The following GK5 variants were observed in gnomAD, a reference collection of about 807,000 sequenced individuals.
The protein encoded by GK5 is ATP:glycerol 3-phosphotransferase 5.
In GK5, 39 loss-of-function variants were observed where a neutral mutation model predicts 77.3. The observed-to-expected ratio is 0.50, with a 90% CI of 0.39 to 0.66. The LOEUF (loss-of-function observed/expected upper bound fraction) is 0.66, where lower values mean the gene tolerates loss of function less well. Ranked by LOEUF, GK5 falls within the 30% of genes least tolerant of loss-of-function variation. The pLI, the probability that GK5 is intolerant of heterozygous loss-of-function variation, is 0.00. For missense variants in GK5, 487 were observed against 633.8 expected (o/e 0.77, Z 2.49); for synonymous variants, 211 against 208.0 (o/e 1.01, Z -0.13).
rs561480100 is a variant in GK5, at chr3:142,170,203, T to A, written c.1441+122A>T. ...TTTGTGAGTAATATGCATATGTGTA[T>A]GGAGTTTAATGGACGCCAAGGCTTT... is the stretch of plus-strand genomic sequence containing the variant. On this transcript the variant is annotated intron_variant, in intron 15 of 15. Transcript: ENST00000392993. 3.5e-4 allele frequency: 341 copies of A among 962,922 alleles called. 6 individuals are homozygous for A. The highest frequency in any genetic ancestry group is 3.5e-3 in the South Asian group (270 of 77,560). The allele number at this position is 962,922 out of a possible 1,614,324, so 59.6% of individuals were successfully genotyped here.
Position 142,160,826 on chromosome 3 carries a change from C to T in GK5, c.*4796G>A, listed in dbSNP as rs960480270. On this transcript the variant is annotated 3_prime_UTR_variant, in exon 16 of 16. Transcript: ENST00000392993. Reference sequence around the variant, plus strand: ...CTCAAACTCCTGTGTTCAAGCGATTCTCCTGCTTCGGTTTCCTGAGTAGCT... The same window carrying T: ...CTCAAACTCCTGTGTTCAAGCGATTTTCCTGCTTCGGTTTCCTGAGTAGCT... 5 of 151,782 alleles carry T rather than the reference C, an allele frequency of 3.3e-5. No homozygotes were observed. The highest frequency in any genetic ancestry group is 7.4e-5 in the Non-Finnish European group (5 of 67,980). The allele number at this position is 151,782 out of a possible 1,614,324, so 9.4% of individuals were successfully genotyped here.
chr3:142,185,802 GA>G (rs757705852), intron 9 of GK5, 126 bp downstream of exon 9: 167 of 1,516,830 alleles, frequency 1.1e-4, no homozygotes, highest in Admixed American at 2.1e-4. Context: ...AACTTAAAAA[GA>G]AAAAAAAATA....
rs765459636 is a variant in GK5 at position 142,170,373 on chromosome 3, T to C, written c.1393A>G (p.Ile465Val). Reference sequence around the variant, plus strand: ...GCTGCACCCAGGCATGACATGTCAATGTCGGCAGGTCTGTCTATATTCTCA... The same window carrying C: ...GCTGCACCCAGGCATGACATGTCAACGTCGGCAGGTCTGTCTATATTCTCA... ...INENIDRPAD[I>V]DMSCLGAASL... is the part of the protein sequence containing the mutation. Residue 465 changes from isoleucine (I) to valine (V), a missense_variant, in exon 15 of 16, where the codon ATT (isoleucine) becomes GTT (valine). Around this residue, in one of 4 missense-constraint regions of GK5, gnomAD observed 65 missense variants for 89.9 expected, o/e 0.72. Transcript: ENST00000392993. 3.7e-6 allele frequency: 6 copies of C among 1,613,940 alleles called. No homozygotes were observed. Among genetic ancestry groups the C allele is most frequent in the Non-Finnish European group, 5.1e-6 (6 of 1,179,972 alleles).
intron 8 of GK5, 84 bp from the exon 9 acceptor site, chr3:142,186,073 C>A: frequency 8.0e-7 from 1 of 1,247,024 alleles, no homozygotes; most frequent in Non-Finnish European, 1.2e-6. Flanking sequence ...TTTGCATAAG[C>A]CAAAAAGTTA....
intron 1 of GK5, among the ~76,000 whole-genome samples, chr3:142,220,285 G>C (rs925154683): frequency 6.6e-6 from 1 of 152,056 alleles, no homozygotes; most frequent in Non-Finnish European, 1.5e-5. Flanking sequence ...ACAGGCACCC[G>C]CCACCACGCC....
chr3:142,216,043 C>T (rs1214371907), intron 1 of GK5, among the ~76,000 whole-genome samples: 1 of 152,040 alleles, frequency 6.6e-6, no homozygotes, highest in African/African-American at 2.4e-5. Flanking sequence ...ATAGAGTAAG[C>T]ACACTCCACC....
chr3:142,163,013 A>T lies in GK5; in HGVS notation c.*2609T>A, dbSNP rs1264518652. ...AATGTCTCAAAAAAAAAAAAAAAAAAGAAAGGACAATTTTGTTGCTCAATT... is the reference window on the plus strand; with the variant it reads ...AATGTCTCAAAAAAAAAAAAAAAAATGAAAGGACAATTTTGTTGCTCAATT... On this transcript the variant is annotated 3_prime_UTR_variant, in exon 16 of 16. Transcript: ENST00000392993. 1 of 148,442 alleles carries T rather than the reference A, an allele frequency of 6.7e-6. No individual in the cohort carries two copies. The highest frequency in any genetic ancestry group is 1.5e-5 in the Non-Finnish European group (1 of 66,796). The allele number at this position is 148,442 out of a possible 1,614,324, so 9.2% of individuals were successfully genotyped here.
chr3:142,205,212 A>G (rs1195747112), intron 3 of GK5, among the ~76,000 whole-genome samples: 2 of 152,242 alleles, frequency 1.3e-5, no homozygotes, highest in Non-Finnish European at 2.9e-5. Context: ...GCCATTGGCA[A>G]CCTAACATGC....
chr3:142,225,257 G>A lies in GK5; in HGVS notation c.147+52C>T, dbSNP rs1451520470. The stretch of plus-strand genomic sequence containing the variant: ...GCTCGCCTCCCGAGGCCGGACCCCG[G>A]GACTCAGCGAAACCCAGTCAGACCC... On this transcript the variant is annotated intron_variant, in intron 1 of 15. Transcript: ENST00000392993. 7 of 1,480,144 alleles carry A rather than the reference G, an allele frequency of 4.7e-6. 1 individual carries two copies. The highest frequency in any genetic ancestry group is 6.3e-6 in the Non-Finnish European group (7 of 1,110,922). The allele number at this position is 1,480,144 out of a possible 1,614,324, so 91.7% of individuals were successfully genotyped here.
chr3:142,199,817 A>G (rs2063990679), intron 4 of GK5, among the ~76,000 whole-genome samples: 1 of 151,676 alleles, frequency 6.6e-6, no homozygotes, highest in African/African-American at 2.4e-5. Flanking sequence ...ATGTAGATGG[A>G]CACTTCAACT....
chr3:142,222,362 G>C (rs775574486), intron 1 of GK5, among the ~76,000 whole-genome samples: 3 of 152,078 alleles, frequency 2.0e-5, no homozygotes, highest in South Asian at 4.1e-4. Context: ...TCAGGATATC[G>C]AGACCACCCT....
chr3:142,182,726 T>C (rs1405663555), intron 10 of GK5, among the ~76,000 whole-genome samples, 197 bp downstream of exon 10: 1 of 152,172 alleles, frequency 6.6e-6, no homozygotes, highest in Non-Finnish European at 1.5e-5. Context: ...TCCTGAATTT[T>C]TCAACAATAT....
At chr3:142,181,393 C>A in intron 11 of GK5, 68 bp downstream of exon 11, 1 of 844,922 alleles carries the variant, frequency 1.2e-6, no homozygotes, top group Non-Finnish European at 1.9e-6. Flanking sequence ...TCCTACTAAT[C>A]TGCAATCCTG....
chr3:142,220,466 C>T (rs1369899020), intron 1 of GK5, among the ~76,000 whole-genome samples: 1 of 152,134 alleles, frequency 6.6e-6, no homozygotes, highest in African/African-American at 2.4e-5. Context: ...AGTGAGTGGG[C>T]AGATGGTACA....
rs775382428 is a variant in GK5 at position 142,170,344 on chromosome 3, A to G, written c.1422T>C (p.Ser474=). ...ACATACCAACAGCAAGGCCAGCTAG[A>G]GAAGCTGCACCCAGGCATGACATGT... is the stretch of plus-strand genomic sequence containing the variant. ...DIDMSCLGAA[S]LAGLAVGFWT... is the part of the protein sequence containing the mutation. The change falls in exon 15 of 16, where the codon TCT becomes TCC. Residue 474 remains serine, a synonymous_variant. Coordinates refer to ENST00000392993, the MANE Select transcript of GK5 (RefSeq NM_001039547.3). 1.6e-5 allele frequency: 26 copies of G among 1,613,986 alleles called. No homozygotes were observed. In the African/African-American group the frequency reaches 3.2e-4, roughly 20 times the overall value.
At chr3:142,184,103 T>C (rs1328083266) in intron 9 of GK5, among the ~76,000 whole-genome samples, 1 of 149,378 alleles carries the variant, frequency 6.7e-6, no homozygotes, top group African/African-American at 2.5e-5. Context: ...CTAAAAAAAA[T>C]ACAAAAAATT....
chr3:142,217,681 A>G (rs2064291108), intron 1 of GK5, among the ~76,000 whole-genome samples: 1 of 152,238 alleles, frequency 6.6e-6, no homozygotes, highest in African/African-American at 2.4e-5. Context: ...AAACTTTACC[A>G]GAATGAACCC....
chr3:142,215,788 T>C (rs1397939900), intron 1 of GK5, 96 bp from the exon 2 acceptor site: 2 of 603,418 alleles, frequency 3.3e-6, no homozygotes, highest in Non-Finnish European at 5.9e-6. Context: ...ATAATTAACA[T>C]GATTTTATTA....
In GK5 at chr3:142,181,458, T is replaced by TAG. The variant is rs1254288951; in HGVS notation, c.1048+2_1048+3insCT. 5.1e-6 allele frequency: 8 copies of TAG among 1,582,128 alleles called. No homozygotes were observed. Among genetic ancestry groups the TAG allele is most frequent in the African/African-American group, 1.4e-5 (1 of 73,828 alleles). On this transcript the variant is annotated splice_region_variant and intron_variant, in intron 11 of 15. Coordinates refer to ENST00000392993, the MANE Select transcript of GK5 (RefSeq NM_001039547.3). Reference sequence around the variant, plus strand: ...TGTGAAATCCATTTAAAAGACAACTTACCTAACTGCTGAGCCCATTTTATG... The same window carrying TAG: ...TGTGAAATCCATTTAAAAGACAACTTAGACCTAACTGCTGAGCCCATTTTATG...
Sources: allele counts gnomAD v4.1 joint callset (sites outside exome capture counted in the v4.1 genomes callset), GRCh38; gene constraint gnomAD v4.1.1; regional missense constraint gnomAD v4.1.1; transcripts MANE v1.5; gene names NCBI Gene and HGNC (gene_info 2026-07-23, HGNC 2026-07-21).